Variants in CSMD1 observed in about 807,000 individuals in gnomAD.
CSMD1 encodes CUB and Sushi multiple domains 1.
CSMD1 carries 213 observed loss-of-function variants against 417.5 expected under a neutral mutation model. The observed-to-expected ratio is 0.51, with a 90% CI of 0.46 to 0.57. CSMD1 has a LOEUF of 0.57. Ranked by LOEUF, CSMD1 falls within the 20% of genes least tolerant of loss-of-function variation. The pLI is 0.00. For missense variants in CSMD1, 6,923 were observed against 4,529.7 expected (o/e 1.53, Z -15.17); for synonymous variants, 2,862 against 1,736.8 (o/e 1.65, Z -16.11).
intron 5 of CSMD1, among the ~76,000 whole-genome samples, chr8:3,965,403 G>A (rs1020429272): frequency 6.6e-6 from 1 of 152,148 alleles, no homozygotes; most frequent in Non-Finnish European, 1.5e-5. Flanking sequence ...TTGCCTTAGA[G>A]ACATGGTTTT....
intron 3 of CSMD1, among the ~76,000 whole-genome samples, chr8:4,226,729 T>C (rs1801383127): frequency 6.6e-6 from 1 of 152,174 alleles, no homozygotes; most frequent in Non-Finnish European, 1.5e-5. Context: ...AATGAGTTTT[T>C]AATAATCAGT....
chr8:4,483,526 G>C (rs1458360313), intron 2 of CSMD1, among the ~76,000 whole-genome samples: 1 of 152,130 alleles, frequency 6.6e-6, no homozygotes, highest in Non-Finnish European at 1.5e-5. Context: ...AAACATGAGT[G>C]ACAAGGACAC....
chr8:4,197,253 A>C (rs797006788), intron 3 of CSMD1, among the ~76,000 whole-genome samples: 3 of 152,352 alleles, frequency 2.0e-5, no homozygotes, highest in African/African-American at 7.2e-5. Flanking sequence ...TCGTATAACC[A>C]GATAGATTTT....
At chr8:3,628,273 A>G (rs1796592997) in intron 7 of CSMD1, among the ~76,000 whole-genome samples, 1 of 152,142 alleles carries the variant, frequency 6.6e-6, no homozygotes, top group Non-Finnish European at 1.5e-5. Context: ...AGAGAAAAAC[A>G]ATCACAAAAG....
intron 10 of CSMD1, among the ~76,000 whole-genome samples, chr8:3,537,644 C>G (rs1382684933): frequency 6.6e-6 from 1 of 152,124 alleles, no homozygotes; most frequent in African/African-American, 2.4e-5. Flanking sequence ...TATGTAGCAT[C>G]ATTTATTTCA....
intron 3 of CSMD1, among the ~76,000 whole-genome samples, chr8:4,084,609 C>T (rs577881048): frequency 1.3e-5 from 2 of 152,220 alleles, no homozygotes; most frequent in Admixed American, 6.5e-5. Flanking sequence ...AAAATGAAAG[C>T]GAGCCTTCCA....
intron 5 of CSMD1, among the ~76,000 whole-genome samples, chr8:3,793,828 C>G (rs567689593): frequency 2.0e-5 from 3 of 152,300 alleles, no homozygotes; most frequent in African/African-American, 7.2e-5. Flanking sequence ...ATGTCAGGAT[C>G]TGCATACAAG....
intron 5 of CSMD1, 120 bp from the exon 6 acceptor site, chr8:3,754,162 G>A (rs1478603807): frequency 8.7e-6 from 5 of 574,720 alleles, no homozygotes; most frequent in Middle Eastern, 3.3e-4. Flanking sequence ...TTAAAACAGA[G>A]GCCATGTATT....
At chr8:3,733,039 T>A (rs539422778) in intron 6 of CSMD1, among the ~76,000 whole-genome samples, 1 of 151,974 alleles carries the variant, frequency 6.6e-6, no homozygotes, top group African/African-American at 2.4e-5. Flanking sequence ...GACTTGGGAA[T>A]ATGTCAGCCG....
In CSMD1 at chr8:3,406,046, G is replaced by T; in HGVS notation, c.2247C>A (p.Ser749=). ...ILQDGNVVWS[S]TVPRCEAPCG... is the part of the protein sequence containing the mutation. ...CTGCACCTTCACAGCGGGGCACGGTGGAGCTCCAGACCACGTTCCCGTCTT... is the reference window on the plus strand; with the variant it reads ...CTGCACCTTCACAGCGGGGCACGGTTGAGCTCCAGACCACGTTCCCGTCTT... Residue 749 remains serine (S), a synonymous_variant, in exon 15 of 70, where the codon TCC becomes TCA. Transcript: ENST00000635120. 6.2e-7 allele frequency: 1 copy of T among 1,613,878 alleles called. No individual in the cohort carries two copies. Among genetic ancestry groups the T allele is most frequent in the Non-Finnish European group, 8.5e-7 (1 of 1,179,830 alleles).
intron 37 of CSMD1, among the ~76,000 whole-genome samples, chr8:3,166,660 A>T (rs1487214341): frequency 6.6e-6 from 1 of 152,232 alleles, no homozygotes; most frequent in Non-Finnish European, 1.5e-5. Flanking sequence ...CAGGGGTAGC[A>T]GTATCATATA....
chr8:4,319,264 T>G (rs190944338), intron 3 of CSMD1, among the ~76,000 whole-genome samples: 84 of 152,254 alleles, frequency 5.5e-4, no homozygotes, highest in Non-Finnish European at 9.3e-4. Context: ...TTTCCTTCAA[T>G]TTATCTTAGT....
intron 1 of CSMD1, among the ~76,000 whole-genome samples, chr8:4,975,619 G>A (rs756744975): frequency 6.6e-6 from 1 of 152,156 alleles, no homozygotes; most frequent in Non-Finnish European, 1.5e-5. Context: ...CCAGGTACAA[G>A]TATTGCATCC....
intron 2 of CSMD1, among the ~76,000 whole-genome samples, chr8:4,614,199 C>T (rs1801347043): frequency 6.6e-6 from 1 of 152,072 alleles, no homozygotes; most frequent in Non-Finnish European, 1.5e-5. Context: ...AAACAAAGGG[C>T]ATTGGGGGCC....
intron 26 of CSMD1, among the ~76,000 whole-genome samples, chr8:3,276,585 A>G (rs1317974190): frequency 3.9e-5 from 6 of 152,184 alleles, no homozygotes; most frequent in Non-Finnish European, 5.9e-5. Flanking sequence ...GGTCCCTCCC[A>G]TGATACGTGG....
intron 3 of CSMD1, among the ~76,000 whole-genome samples, chr8:4,130,834 G>C (rs1283371722): frequency 2.0e-5 from 3 of 151,244 alleles, no homozygotes; most frequent in Non-Finnish European, 2.9e-5. Flanking sequence ...TGTACTATGT[G>C]CTATATTATA....
intron 12 of CSMD1, among the ~76,000 whole-genome samples, chr8:3,420,312 C>T (rs1813405515): frequency 6.6e-6 from 1 of 151,618 alleles, no homozygotes; most frequent in African/African-American, 2.4e-5. Flanking sequence ...TCAAAATACC[C>T]AAGATCATCA....
chr8:4,603,575 T>C (rs1416071858), intron 2 of CSMD1, among the ~76,000 whole-genome samples: 2 of 152,146 alleles, frequency 1.3e-5, no homozygotes, highest in South Asian at 2.1e-4. Context: ...ACCTCATGAT[T>C]TCATTTAGCT....
At chr8:3,749,909 G>A (rs186662938) in intron 6 of CSMD1, among the ~76,000 whole-genome samples, 23 of 152,156 alleles carry the variant, frequency 1.5e-4, no homozygotes, top group African/African-American at 5.1e-4. Flanking sequence ...CCTATTGTGT[G>A]TAGCTACTCA....
Sources: gnomAD v4.1 joint callset for allele counts (sites outside exome capture counted in the v4.1 genomes callset) on GRCh38, gnomAD v4.1.1 for gene constraint, MANE v1.5 for transcripts, NCBI Gene and HGNC (gene_info 2026-07-23, HGNC 2026-07-21) for gene names.